DOCK8: variants seen among roughly 807,000 people sequenced by gnomAD.
DOCK8 encodes the protein dedicator of cytokinesis protein 8.
DOCK8 carries 141 observed loss-of-function variants against 245.6 expected under a neutral mutation model. The observed-to-expected ratio is 0.57, with a 90% CI of 0.50 to 0.66. The LOEUF (loss-of-function observed/expected upper bound fraction) is 0.66. Among genes scored for constraint, DOCK8 ranks in the 30% least tolerant of loss-of-function variants. The pLI, the probability that DOCK8 is intolerant of heterozygous loss-of-function variation, is 0.00. For synonymous variants in DOCK8, 1,168 were observed against 970.2 expected, an observed-to-expected ratio of 1.20 and a Z score of -3.79; for missense variants, 2,965 against 2,603.4, an observed-to-expected ratio of 1.14 and a Z score of -3.02.
At chr9:335,468 T>C (rs972738982) in intron 11 of DOCK8, among the ~76,000 whole-genome samples, 1 of 152,204 alleles carries the variant, frequency 6.6e-6, no homozygotes, top group African/African-American at 2.4e-5. Flanking sequence ...AAGGGCATTT[T>C]GTGATTGCTG....
chr9:401,951 C>A (rs1377326883), intron 26 of DOCK8, among the ~76,000 whole-genome samples: 2 of 152,178 alleles, frequency 1.3e-5, no homozygotes, highest in Admixed American at 1.3e-4. Context: ...GATCTTCTGT[C>A]CCAGGACCCA....
intron 2 of DOCK8, among the ~76,000 whole-genome samples, chr9:282,172 G>T (rs2048616002): frequency 6.6e-6 from 1 of 152,116 alleles, no homozygotes; most frequent in African/African-American, 2.4e-5. Context: ...TGGTTTATTA[G>T]AGTGCAATTC....
intron 8 of DOCK8, among the ~76,000 whole-genome samples, chr9:326,222 T>C (rs531088111): frequency 3.6e-4 from 55 of 152,334 alleles, no homozygotes; most frequent in Non-Finnish European, 2.2e-4. Flanking sequence ...TTTTAATGTT[T>C]AGTCATTTTG....
chr9:236,461 G>A (rs192087096), intron 1 of DOCK8, among the ~76,000 whole-genome samples: 3 of 152,294 alleles, frequency 2.0e-5, no homozygotes. Context: ...AGGGGCTAGT[G>A]CATATTGATA....
chr9:418,411 G>A (rs886383152), intron 30 of DOCK8, among the ~76,000 whole-genome samples: 3 of 152,156 alleles, frequency 2.0e-5, no homozygotes, highest in Admixed American at 6.5e-5. Flanking sequence ...TTACAGGCGT[G>A]CACCACCACA....
chr9:383,700 CAAAAAA>C (rs1164310899), intron 22 of DOCK8, among the ~76,000 whole-genome samples: 2 of 69,920 alleles, frequency 2.9e-5, no homozygotes, highest in African/African-American at 5.2e-5. Context: ...GACTCCGTCT[CAAAAAA>C]AAAAAAAAAA....
In DOCK8 at chr9:446,393, G is replaced by C. The variant is rs780139308; in HGVS notation, c.5604G>C (p.Val1868=). 5.0e-6 allele frequency: 8 copies of C among 1,614,182 alleles called. No individual in the cohort carries two copies. In the East Asian group the frequency reaches 1.8e-4, roughly 36 times the overall value. The change falls in exon 44 of 48, where the codon GTG becomes GTC. Residue 1868 remains valine (V), a synonymous_variant. Coordinates refer to ENST00000432829, the MANE Select transcript of DOCK8 (RefSeq NM_203447.4). ...AGGCCTACATACAGATCACTTTTGT[G>C]GAGCCCTACTTTGATGAGTATGAGA... ...PNKAYIQITF[V]EPYFDEYEMK... is the part of the protein sequence containing the mutation.
chr9:355,192 C>CTTTT (rs749045514), intron 14 of DOCK8, among the ~76,000 whole-genome samples: 28 of 121,084 alleles, frequency 2.3e-4, no homozygotes, highest in Middle Eastern at 4.5e-3. Flanking sequence ...TGTTTCTTTT[C>CTTTT]TTTTTTTTTT....
chr9:235,888 A>G (rs923183849), intron 1 of DOCK8, among the ~76,000 whole-genome samples: 2 of 152,130 alleles, frequency 1.3e-5, no homozygotes, highest in African/African-American at 4.8e-5. Flanking sequence ...CGGCTCACGC[A>G]TGTTGCGCTG....
At chr9:224,879 A>G (rs1179358294) in intron 1 of DOCK8, among the ~76,000 whole-genome samples, 2 of 152,200 alleles carry the variant, frequency 1.3e-5, no homozygotes, top group African/African-American at 4.8e-5. Flanking sequence ...TCTGCTGGTT[A>G]ACATAAATGT....
intron 39 of DOCK8, among the ~76,000 whole-genome samples, chr9:435,588 A>G (rs552706428): frequency 1.3e-5 from 2 of 152,294 alleles, no homozygotes; most frequent in East Asian, 3.9e-4. Context: ...CCACTCTTCA[A>G]CTTTATAGGG....
intron 38 of DOCK8, 147 bp from the exon 39 acceptor site, chr9:434,636 T>C: frequency 1.3e-6 from 1 of 777,766 alleles, no homozygotes; most frequent in Admixed American, 2.1e-5. Context: ...TTCTTCTGTC[T>C]CGTTTTCTGG....
chr9:371,195 T>C (rs2053270395), intron 16 of DOCK8, among the ~76,000 whole-genome samples: 1 of 152,268 alleles, frequency 6.6e-6, no homozygotes, highest in African/African-American at 2.4e-5. Context: ...TTGTTTTTTG[T>C]TTTTTGTTTT....
intron 33 of DOCK8, among the ~76,000 whole-genome samples, chr9:425,926 T>G (rs1159693977): frequency 6.6e-6 from 1 of 152,134 alleles, no homozygotes; most frequent in Non-Finnish European, 1.5e-5. Flanking sequence ...CAGTGGTATG[T>G]AAGCAGCTGC....
intron 27 of DOCK8, 37 bp downstream of exon 27, chr9:405,110 A>G (rs1008322062): frequency 1.9e-6 from 3 of 1,586,308 alleles, no homozygotes; most frequent in African/African-American, 2.7e-5. Flanking sequence ...GAATTATTCA[A>G]GCTATTTCAT....
At chr9:276,887 C>T in intron 2 of DOCK8, 3 of 237,754 alleles carry the variant, frequency 1.3e-5, no homozygotes, top group South Asian at 1.1e-4. Context: ...TGGCTCACTA[C>T]AACCTCCGCC....
intron 24 of DOCK8, among the ~76,000 whole-genome samples, chr9:391,895 T>G (rs12338294): frequency 0.033 from 4,896 of 150,122 alleles, 181 homozygotes; most frequent in African/African-American, 0.091. Flanking sequence ...TCCTAGCACT[T>G]TGGGAGGCTG....
At chr9:416,264 C>G (rs1232990718) in intron 29 of DOCK8, among the ~76,000 whole-genome samples, 1 of 152,166 alleles carries the variant, frequency 6.6e-6, no homozygotes, top group Non-Finnish European at 1.5e-5. Context: ...TTGTTTTTAA[C>G]ATTTACAGAC....
chr9:220,428 A>C (rs1409118095), intron 1 of DOCK8, among the ~76,000 whole-genome samples: 1 of 152,190 alleles, frequency 6.6e-6, no homozygotes, highest in African/African-American at 2.4e-5. Flanking sequence ...GTAGTTGCCC[A>C]GGGAAAGATG....
Sources: gnomAD v4.1 joint callset for allele counts (sites outside exome capture counted in the v4.1 genomes callset) on GRCh38, gnomAD v4.1.1 for gene constraint, MANE v1.5 for transcripts, NCBI Gene and HGNC (gene_info 2026-07-23, HGNC 2026-07-21) for gene names.